The following RBM47 variants were observed in gnomAD, a reference collection of about 807,000 sequenced individuals.
The protein encoded by RBM47 is RNA-binding protein 47.
In RBM47, 21 loss-of-function variants were observed where a neutral mutation model predicts 47.1. The ratio of observed to expected loss-of-function variants is 0.45; its 90% CI spans 0.32 to 0.64. The LOEUF (loss-of-function observed/expected upper bound fraction) is 0.64, where lower values mean the gene tolerates loss of function less well. Among genes scored for constraint, RBM47 ranks in the 30% least tolerant of loss-of-function variants. The pLI is 0.05. For missense variants in RBM47, 708 were observed against 870.9 expected (o/e 0.81, Z 2.35); for synonymous variants, 375 against 361.7 (o/e 1.04, Z -0.42).
chr4:40,464,269 T>C (rs1218117577), intron 3 of RBM47, among the ~76,000 whole-genome samples: 1 of 152,236 alleles, frequency 6.6e-6, no homozygotes, highest in Non-Finnish European at 1.5e-5. Flanking sequence ...CCCCTTCATC[T>C]GAGGAGGACC....
intron 1 of RBM47, among the ~76,000 whole-genome samples, chr4:40,618,553 G>A (rs998489543): frequency 2.6e-5 from 4 of 152,138 alleles, no homozygotes; most frequent in Non-Finnish European, 4.4e-5. Flanking sequence ...GCTCACACCT[G>A]TAATTCCAGC....
rs947873907 is a variant in RBM47, at chr4:40,424,808, C to T, written c.*1096G>A. On this transcript the variant is annotated 3_prime_UTR_variant, in exon 7 of 7. Transcript: ENST00000295971. Reference sequence around the variant, plus strand: ...GTCTACGATAACATACATTCTTTGTCCCTACAAACTCATACTTCAAAAATG... The same window carrying T: ...GTCTACGATAACATACATTCTTTGTTCCTACAAACTCATACTTCAAAAATG... The T allele has an allele frequency of 8.5e-5, 13 of 152,082 alleles. No homozygotes were observed. Among genetic ancestry groups the T allele is most frequent in the African/African-American group, 3.1e-4 (13 of 41,400 alleles). The allele number at this position is 152,082 out of a possible 1,614,324, so 9.4% of individuals were successfully genotyped here. A position where few individuals can be genotyped will look rare whatever the true frequency, so the allele number is the denominator to read the frequency against.
rs975956317 is a variant in RBM47, at chr4:40,432,501, T to C, written c.1542+150A>G. On this transcript the variant is annotated intron_variant, in intron 6 of 6. Transcript: ENST00000295971. ...TAATTAAAAATTTTTTTTTCTGTCA[T>C]GCTTCAAATTCAAAATGCTTTGTGT... 1.4e-5 allele frequency: 19 copies of C among 1,378,804 alleles called. 1 individual carries two copies. The highest frequency in any genetic ancestry group is 1.3e-4 in the African/African-American group (9 of 67,572). The allele number at this position is 1,378,804 out of a possible 1,614,324, so 85.4% of individuals were successfully genotyped here.
At chr4:40,546,268 A>G (rs1316547150) in intron 1 of RBM47, among the ~76,000 whole-genome samples, 1 of 151,952 alleles carries the variant, frequency 6.6e-6, no homozygotes, top group East Asian at 1.9e-4. Context: ...CTCCCACCTT[A>G]GCCTCCCAAG....
intron 2 of RBM47, among the ~76,000 whole-genome samples, chr4:40,489,972 T>C (rs992058038): frequency 1.3e-5 from 2 of 152,188 alleles, no homozygotes; most frequent in Non-Finnish European, 2.9e-5. Context: ...AAATGCAAGA[T>C]AGCTTAACAG....
chr4:40,485,989 T>C (rs1442390986), intron 2 of RBM47, among the ~76,000 whole-genome samples: 1 of 147,090 alleles, frequency 6.8e-6, no homozygotes, highest in Non-Finnish European at 1.5e-5. Flanking sequence ...GAGAACTGCT[T>C]GAGCCCGGAA....
At chr4:40,516,245 T>C (rs1725558146) in intron 2 of RBM47, among the ~76,000 whole-genome samples, 1 of 148,930 alleles carries the variant, frequency 6.7e-6, no homozygotes, top group Non-Finnish European at 1.5e-5. Context: ...GCGATGATTC[T>C]CTTTTTCTTT....
chr4:40,438,358 A>C lies in RBM47; in HGVS notation c.536T>G (p.Leu179Arg), dbSNP rs942126834. The part of the protein sequence containing the change: ...EEIAKVTEGV[L>R]DVIVYASAAD... ...CGCGCTGGCGTAGACGATCACGTCC[A>C]GCACGCCCTCGGTGACCTTGGCAAT... The change falls in exon 4 of 7, where the codon CTG (leucine) becomes CGG (arginine). Residue 179 changes from leucine (L) to arginine (R), a missense_variant. Coordinates refer to ENST00000295971, the MANE Select transcript of RBM47 (RefSeq NM_001098634.2). 2 of 1,611,822 alleles carry C rather than the reference A, an allele frequency of 1.2e-6. No homozygotes were observed. Among genetic ancestry groups the C allele is most frequent in the Non-Finnish European group, 1.7e-6 (2 of 1,179,954 alleles).
At chr4:40,606,335 A>G (rs6447270) in intron 1 of RBM47, among the ~76,000 whole-genome samples, 53,941 of 151,730 alleles carry the variant, frequency 0.36, 10,106 homozygotes, top group Middle Eastern at 0.37. Context: ...AGAATCAGGG[A>G]ACTTCTGGGA....
intron 3 of RBM47, among the ~76,000 whole-genome samples, chr4:40,451,223 C>T (rs1226389270): frequency 6.8e-6 from 1 of 146,998 alleles, no homozygotes; most frequent in Non-Finnish European, 1.5e-5. Context: ...GCTATCAAGA[C>T]TGAGAAACGT....
chr4:40,461,407 T>C (rs2154227924), intron 3 of RBM47, among the ~76,000 whole-genome samples: 1 of 152,354 alleles, frequency 6.6e-6, no homozygotes, highest in East Asian at 1.9e-4. Flanking sequence ...ATACCAGTCT[T>C]GCAAATGGTT....
At chr4:40,527,889 C>G (rs1420679121) in intron 2 of RBM47, among the ~76,000 whole-genome samples, 1 of 152,040 alleles carries the variant, frequency 6.6e-6, no homozygotes, top group African/African-American at 2.4e-5. Context: ...GGAAACTGAC[C>G]TGCTTCAGTT....
chr4:40,536,054 AT>A (rs1435371425), intron 2 of RBM47, among the ~76,000 whole-genome samples: 1 of 152,138 alleles, frequency 6.6e-6, no homozygotes, highest in Non-Finnish European at 1.5e-5. Flanking sequence ...TGTCACTTGT[AT>A]TTTGCTGACC....
rs191868881 is a variant in RBM47, at chr4:40,517,388, C to T, written c.-155+27034G>A. 1.6e-3 allele frequency among the ~76,000 whole-genome samples: 244 copies of T among 152,198 alleles called. 3 individuals are homozygous for T. The highest frequency in any genetic ancestry group is 5.6e-3 in the African/African-American group (234 of 41,538). On this transcript the variant is annotated intron_variant, in intron 2 of 6. Transcript: ENST00000295971. ...CTGATCTCAAATGATCCACCCGCTT[C>T]GGCCTCCCAAAGTGCTGGGATTACA...
At chr4:40,505,594 CAT>C (rs1723987680) in intron 2 of RBM47, among the ~76,000 whole-genome samples, 1 of 149,372 alleles carries the variant, frequency 6.7e-6, no homozygotes, top group African/African-American at 2.5e-5. Context: ...AATTTAAAAA[CAT>C]ATATATTTTG....
chr4:40,620,372 G>A (rs189247431), intron 1 of RBM47, among the ~76,000 whole-genome samples: 1 of 151,402 alleles, frequency 6.6e-6, no homozygotes, highest in African/African-American at 2.4e-5. Context: ...AGGCATGGTG[G>A]CAGGCGCCTG....
chr4:40,501,648 T>A (rs977124470), intron 2 of RBM47, among the ~76,000 whole-genome samples: 1 of 152,226 alleles, frequency 6.6e-6, no homozygotes, highest in African/African-American at 2.4e-5. Context: ...GGACAACACA[T>A]GTCTGTGTTC....
chr4:40,505,890 A>G (rs934677362), intron 2 of RBM47, among the ~76,000 whole-genome samples: 30 of 149,964 alleles, frequency 2.0e-4, no homozygotes, highest in Non-Finnish European at 3.6e-4. Flanking sequence ...CTGTCTCAAA[A>G]AAAACAAAAC....
At chr4:40,610,532 C>T (rs1385885301) in intron 1 of RBM47, among the ~76,000 whole-genome samples, 1 of 150,894 alleles carries the variant, frequency 6.6e-6, no homozygotes, top group African/African-American at 2.4e-5. Context: ...ATGGCGTGAA[C>T]CCGGGCGGTG....
Sources: gnomAD v4.1 joint callset for allele counts (sites outside exome capture counted in the v4.1 genomes callset) on GRCh38, gnomAD v4.1.1 for gene constraint, MANE v1.5 for transcripts, NCBI Gene and HGNC (gene_info 2026-07-23, HGNC 2026-07-21) for gene names.